The following PDPR variants were observed in gnomAD, a reference collection of about 807,000 sequenced individuals.
The protein encoded by PDPR is pyruvate dehydrogenase phosphatase regulatory subunit, also known as pyruvate dehydrogenase phosphatase regulatory subunit, mitochondrial.
In PDPR, 50 loss-of-function variants were observed where a neutral mutation model predicts 102.2. The observed-to-expected ratio is 0.49, with a 90% CI of 0.39 to 0.62. The LOEUF is 0.62. PDPR is among the 20% of genes least tolerant of loss of function. The pLI, the probability that PDPR is intolerant of heterozygous loss-of-function variation, is 0.00. For synonymous variants in PDPR, 259 were observed against 406.0 expected, an observed-to-expected ratio of 0.64 and a Z score of 4.35; for missense variants, 625 against 1,098.2, an observed-to-expected ratio of 0.57 and a Z score of 6.09.
At chr16:70,163,328 T>A (rs1404036032), downstream of PDPR, among the ~76,000 whole-genome samples, 1 of 151,554 alleles carries the variant, frequency 6.6e-6, no homozygotes, top group South Asian at 2.1e-4. Context: ...TTTACAACAA[T>A]CTCTTCATCT....
chr16:70,148,567 C>T lies in PDPR; in HGVS notation c.2052+14C>T, dbSNP rs373753249. ...ATCCCCATAGAGGTGAGAGGGCACC[C>T]TTCCCTTCCCTTCCCTTCACTTCCC... On this transcript the variant is annotated intron_variant, in intron 17 of 18. Coordinates refer to ENST00000288050, the MANE Select transcript of PDPR (RefSeq NM_017990.5). 3.0e-4 allele frequency: 471 copies of T among 1,571,964 alleles called. No homozygotes were observed. The highest frequency in any genetic ancestry group is 3.9e-4 in the Non-Finnish European group (448 of 1,146,912).
intron 3 of PDPR, among the ~76,000 whole-genome samples, chr16:70,126,817 T>C (rs1964025169): frequency 3.3e-5 from 5 of 152,268 alleles, no homozygotes; most frequent in Admixed American, 3.3e-4. Flanking sequence ...TGAGCCACTG[T>C]GCCTGGCCTA....
At chr16:70,138,384 A>G (rs1965380236) in intron 10 of PDPR, among the ~76,000 whole-genome samples, 1 of 152,070 alleles carries the variant, frequency 6.6e-6, no homozygotes, top group South Asian at 2.1e-4. Context: ...ACACTGGCTA[A>G]TTTTGTATTT....
At chr16:70,126,821 T>C (rs1964026026) in intron 3 of PDPR, among the ~76,000 whole-genome samples, 1 of 152,146 alleles carries the variant, frequency 6.6e-6, no homozygotes, top group South Asian at 2.1e-4. Flanking sequence ...CCACTGTGCC[T>C]GGCCTAAACT....
chr16:70,151,872 TC>T lies in PDPR; in HGVS notation c.2053-1518del, dbSNP rs1597377704. Among the ~76,000 whole-genome samples the T allele has an allele frequency of 2.6e-5, 4 of 152,310 alleles. No homozygotes were observed. In the South Asian group the frequency reaches 8.3e-4, roughly 32 times the overall value. On this transcript the variant is annotated intron_variant, in intron 17 of 18. Coordinates refer to ENST00000288050, the MANE Select transcript of PDPR (RefSeq NM_017990.5). ...ATTCTCGTTTTGTTCACACTAAATC[TC>T]TGGTATTTTGTGAGAAAAACGAGTA...
At chr16:70,153,955 G>A (rs974368888) in intron 18 of PDPR, among the ~76,000 whole-genome samples, 7 of 152,256 alleles carry the variant, frequency 4.6e-5, no homozygotes, top group East Asian at 1.9e-4. Context: ...CAAGGCGGGC[G>A]GATCACAAGT....
chr16:70,135,775 A>T (rs184853897), intron 9 of PDPR, among the ~76,000 whole-genome samples: 1 of 152,400 alleles, frequency 6.6e-6, no homozygotes, highest in Admixed American at 6.5e-5. Flanking sequence ...GTCTTTAAAA[A>T]AATCTCTTCC....
At chr16:70,155,533 G>A (rs1967058338) in intron 18 of PDPR, among the ~76,000 whole-genome samples, 1 of 152,262 alleles carries the variant, frequency 6.6e-6, no homozygotes, top group African/African-American at 2.4e-5. Flanking sequence ...AGAATCACTT[G>A]AGCATGAGAA....
chr16:70,115,423 A>C (rs896611162), intron 2 of PDPR, among the ~76,000 whole-genome samples: 1 of 152,208 alleles, frequency 6.6e-6, no homozygotes, highest in Non-Finnish European at 1.5e-5. Context: ...CGCTCGGCCA[A>C]CTTGTGTTAA....
intron 17 of PDPR, among the ~76,000 whole-genome samples, chr16:70,152,015 C>A (rs1017941790): frequency 6.6e-6 from 1 of 152,288 alleles, no homozygotes; most frequent in Admixed American, 6.5e-5. Flanking sequence ...TTACATCGTT[C>A]TTCCTTGGTC....
intron 9 of PDPR, among the ~76,000 whole-genome samples, chr16:70,134,549 T>C (rs1964899357): frequency 6.7e-6 from 1 of 148,342 alleles, no homozygotes; most frequent in Admixed American, 6.8e-5. Context: ...TCCCAGCACT[T>C]TGGGAGGCCA....
intron 2 of PDPR, among the ~76,000 whole-genome samples, chr16:70,118,431 A>G (rs550920518): frequency 2.4e-4 from 36 of 152,360 alleles, no homozygotes; most frequent in African/African-American, 7.9e-4. Context: ...GTGGCTTAAC[A>G]TGTGCTAGCC....
chr16:70,143,022 C>A (rs1326766380), intron 13 of PDPR, among the ~76,000 whole-genome samples: 1 of 152,252 alleles, frequency 6.6e-6, no homozygotes, highest in Non-Finnish European at 1.5e-5. Context: ...ATGGCGAAAC[C>A]GTCTCTACCA....
intron 13 of PDPR, among the ~76,000 whole-genome samples, chr16:70,143,192 A>AC (rs1291924917): frequency 2.6e-5 from 4 of 152,328 alleles, no homozygotes; most frequent in African/African-American, 9.6e-5. Context: ...CATCTCAAAA[A>AC]AAAAAACAAA....
At chr16:70,149,137 C>G (rs185844473) in intron 17 of PDPR, among the ~76,000 whole-genome samples, 6 of 151,818 alleles carry the variant, frequency 4.0e-5, no homozygotes, top group Non-Finnish European at 8.8e-5. Context: ...TCAGGTGATA[C>G]ACCCACCTTG....
chr16:70,133,111 CTTTTTTTTT>C (rs140652740), intron 9 of PDPR, among the ~76,000 whole-genome samples: 1 of 97,230 alleles, frequency 1.0e-5, no homozygotes, highest in Non-Finnish European at 1.9e-5. Context: ...TACCCAGCTG[CTTTTTTTTT>C]TTTTTTTTTT....
chr16:70,123,553 G>T (rs866003893), intron 3 of PDPR, among the ~76,000 whole-genome samples: 3 of 152,230 alleles, frequency 2.0e-5, no homozygotes, highest in Admixed American at 6.5e-5. Context: ...ATGCTTCCTT[G>T]ATGTCAAAGT....
chr16:70,140,479 C>A (rs1965596274), intron 11 of PDPR, among the ~76,000 whole-genome samples: 1 of 152,210 alleles, frequency 6.6e-6, no homozygotes, highest in South Asian at 2.1e-4. Context: ...TGATATGACA[C>A]TTTTGGTAGC....
downstream of PDPR, among the ~76,000 whole-genome samples, chr16:70,162,957 A>T (rs1967919465): frequency 6.6e-6 from 1 of 150,672 alleles, no homozygotes; most frequent in African/African-American, 2.4e-5. Flanking sequence ...CTGTTCACTA[A>T]TTTTTTTTTT....
Sources: allele counts gnomAD v4.1 joint callset (sites outside exome capture counted in the v4.1 genomes callset), GRCh38; gene constraint gnomAD v4.1.1; transcripts MANE v1.5; gene names NCBI Gene and HGNC (gene_info 2026-07-23, HGNC 2026-07-21).